TAPT1: variants seen among roughly 807,000 people sequenced by gnomAD.
TAPT1 encodes the protein transmembrane anterior posterior transformation 1.
TAPT1 carries 28 observed loss-of-function variants against 65.6 expected under a neutral mutation model. The ratio of observed to expected loss-of-function variants is 0.43; its 90% confidence interval spans 0.32 to 0.59. The LOEUF is 0.59. Ranked by LOEUF, TAPT1 falls within the 20% of genes least tolerant of loss-of-function variation. The probability of loss-of-function intolerance (pLI) is 0.09; values close to 1 mark genes in which losing one functional copy is unlikely to be tolerated. For missense variants in TAPT1, 563 were observed against 679.9 expected (o/e 0.83, Z 1.91); for synonymous variants, 278 against 245.2 (o/e 1.13, Z -1.25).
chr4:16,183,310 AT>A lies in TAPT1; in HGVS notation c.916+3224del, dbSNP rs34134145. On this transcript the variant is annotated intron_variant, in intron 7 of 13. Coordinates refer to ENST00000405303, the MANE Select transcript of TAPT1 (RefSeq NM_153365.3). ...GCTACTTTGCTTACAGCAAAAAGTAATTTTTTTTTTGGTGCTAAGTAGTAAC... is the reference window on the plus strand; with the variant it reads ...GCTACTTTGCTTACAGCAAAAAGTAATTTTTTTTTGGTGCTAAGTAGTAAC... Among the ~76,000 whole-genome samples, 8 of 150,128 alleles carry A rather than the reference AT, an allele frequency of 5.3e-5. No homozygotes were observed. The East Asian group carries it at 5.8e-4, about 11-fold the overall frequency.
chr4:16,205,551 G>T (rs1314465285), intron 2 of TAPT1, among the ~76,000 whole-genome samples: 1 of 152,158 alleles, frequency 6.6e-6, no homozygotes, highest in African/African-American at 2.4e-5. Flanking sequence ...GATGAATGAT[G>T]TGCTCTGGAA....
chr4:16,197,443 TTA>T (rs1749776379), intron 3 of TAPT1, among the ~76,000 whole-genome samples: 1 of 152,188 alleles, frequency 6.6e-6, no homozygotes, highest in Non-Finnish European at 1.5e-5. Context: ...ACAATCTTCT[TTA>T]ACTTTTAACT....
At chr4:16,182,320 C>T (rs1179509736) in intron 7 of TAPT1, among the ~76,000 whole-genome samples, 1 of 152,120 alleles carries the variant, frequency 6.6e-6, no homozygotes, top group African/African-American at 2.4e-5. Context: ...CATATTTATA[C>T]CATCTCATCT....
chr4:16,202,705 A>G lies in TAPT1; in HGVS notation c.331-125T>C, dbSNP rs1750111001. The G allele has an allele frequency of 7.3e-6, 4 of 548,516 alleles. No homozygotes were observed. The South Asian group carries it at 8.8e-5, about 12-fold the overall frequency. The allele number at this position is 548,516 out of a possible 1,614,324, so 34.0% of individuals were successfully genotyped here. A position where few individuals can be genotyped will look rare whatever the true frequency, so the allele number is the denominator to read the frequency against. On this transcript the variant is annotated intron_variant, in intron 2 of 13. Coordinates refer to ENST00000405303, the MANE Select transcript of TAPT1 (RefSeq NM_153365.3). Reference sequence around the variant, plus strand: ...TAATTTCTTAAAACTTAGCCCTGGGAATAACAAATTAACAGTTCTTCTCTT... The same window carrying G: ...TAATTTCTTAAAACTTAGCCCTGGGGATAACAAATTAACAGTTCTTCTCTT...
chr4:16,174,551 C>A, intron 10 of TAPT1, 119 bp downstream of exon 10: 1 of 861,642 alleles, frequency 1.2e-6, no homozygotes, highest in South Asian at 1.9e-5. Flanking sequence ...GAATAGAGAT[C>A]AGTAGGCAGT....
At position 16,202,568 on chromosome 4, in the gene TAPT1, C is replaced by A; in HGVS notation, c.343G>T (p.Gly115Ter). The part of the protein sequence containing the change: ...PRELEKLMVF[G>*]IFLCLDAFLY... The stretch of plus-strand genomic sequence containing the variant: ...AACGCATCCAGGCACAGAAAGATTC[C>A]AAAAACCATCAGCTGAATTTTAACA... Residue 115 changes from glycine to a stop codon, truncating the protein, a stop_gained, in exon 3 of 14, where the codon GGA becomes TGA. Transcript: ENST00000405303. LOFTEE classifies it high-confidence loss of function. The A allele has an allele frequency of 2.7e-6, 4 of 1,508,788 alleles. No individual in the cohort carries two copies. Among genetic ancestry groups the A allele is most frequent in the Non-Finnish European group, 3.6e-6 (4 of 1,123,908 alleles). 93.5% of individuals were successfully genotyped at this position (1,508,788 alleles called of 1,614,324 possible). A position where few individuals can be genotyped will look rare whatever the true frequency, so the allele number is the denominator to read the frequency against.
chr4:16,214,042 C>T, intron 1 of TAPT1, 144 bp from the exon 2 acceptor site: 1 of 556,988 alleles, frequency 1.8e-6, no homozygotes, highest in East Asian at 3.4e-5. Flanking sequence ...GAACTGCACA[C>T]AATGATCAGC....
chr4:16,211,555 T>C lies in TAPT1; in HGVS notation c.330+2213A>G, dbSNP rs376563252. ...TGTACATTTAGGCTACAAAGCTTCT[T>C]AAGTATTGTTCTAAGAGACTACATC... On this transcript the variant is annotated intron_variant, in intron 2 of 13. Transcript: ENST00000405303. Among the ~76,000 whole-genome samples the C allele has an allele frequency of 3.7e-4, 56 of 152,344 alleles. No individual in the cohort carries two copies. In the East Asian group the frequency reaches 5.2e-3, roughly 14 times the overall value.
chr4:16,209,004 C>T (rs1750504742), intron 2 of TAPT1, among the ~76,000 whole-genome samples: 1 of 152,158 alleles, frequency 6.6e-6, no homozygotes, highest in South Asian at 2.1e-4. Flanking sequence ...GCTAGGACTA[C>T]AGGCGTGCAC....
intron 5 of TAPT1, among the ~76,000 whole-genome samples, chr4:16,187,155 T>C (rs548495356): frequency 7.2e-5 from 11 of 152,338 alleles, no homozygotes; most frequent in African/African-American, 2.6e-4. Context: ...GTTCTTTCTG[T>C]ATCTCTGGCA....
intron 3 of TAPT1, among the ~76,000 whole-genome samples, chr4:16,199,031 T>C (rs1749881639): frequency 6.6e-6 from 1 of 152,194 alleles, no homozygotes; most frequent in Non-Finnish European, 1.5e-5. Flanking sequence ...CTTAAGGCAC[T>C]AAGACATTAG....
intron 13 of TAPT1, 27 bp downstream of exon 13, chr4:16,166,598 TGATCCAGG>T: frequency 6.2e-7 from 1 of 1,602,156 alleles, no homozygotes. Context: ...TCTTTGAAAA[TGATCCAGG>T]GAAGTGAAGA....
chr4:16,191,182 G>T, intron 4 of TAPT1, 179 bp downstream of exon 4: 2 of 593,062 alleles, frequency 3.4e-6, no homozygotes, highest in Non-Finnish European at 5.5e-6. Context: ...ACCCAGCCTA[G>T]ATCTCCTAAA....
At chr4:16,222,358 T>C (rs1751300614) in intron 1 of TAPT1, among the ~76,000 whole-genome samples, 1 of 152,190 alleles carries the variant, frequency 6.6e-6, no homozygotes. Context: ...AGCAAAGCAA[T>C]AGTTTGTCAG....
chr4:16,162,869 T>G lies in TAPT1; in HGVS notation c.*439A>C, dbSNP rs1049341688. 1.9e-5 allele frequency: 7 copies of G among 372,868 alleles called. No individual in the cohort carries two copies. The highest frequency in any genetic ancestry group is 3.3e-5 in the Non-Finnish European group (6 of 179,766). 23.1% of individuals were successfully genotyped at this position (372,868 alleles called of 1,614,324 possible). On this transcript the variant is annotated 3_prime_UTR_variant, in exon 14 of 14. Transcript: ENST00000405303. ...ATGCTTTGGCAGATGAAGTAACGTT[T>G]GAAAACTGTTTGTGAAAATAGTATG...
At chr4:16,211,098 T>C (rs11724076) in intron 2 of TAPT1, among the ~76,000 whole-genome samples, 26,408 of 151,858 alleles carry the variant, frequency 0.17, 2,816 homozygotes, top group East Asian at 0.3. Flanking sequence ...AGTTGACCTT[T>C]ATCTTAAAAT....
At chr4:16,195,670 T>C (rs1749668408) in intron 3 of TAPT1, among the ~76,000 whole-genome samples, 1 of 152,254 alleles carries the variant, frequency 6.6e-6, no homozygotes, top group African/African-American at 2.4e-5. Flanking sequence ...TTCTGGTAAC[T>C]GTACAATTTT....
At chr4:16,204,153 T>C (rs1398368614) in intron 2 of TAPT1, among the ~76,000 whole-genome samples, 2 of 152,214 alleles carry the variant, frequency 1.3e-5, no homozygotes, top group African/African-American at 4.8e-5. Flanking sequence ...GGACTGCTGG[T>C]TCAGTACTGA....
At chr4:16,203,642 G>C (rs1298555635) in intron 2 of TAPT1, among the ~76,000 whole-genome samples, 1 of 152,094 alleles carries the variant, frequency 6.6e-6, no homozygotes, top group Non-Finnish European at 1.5e-5. Flanking sequence ...AGACCGAAGA[G>C]GAAGGCAGCC....
Sources: allele counts gnomAD v4.1 joint callset (sites outside exome capture counted in the v4.1 genomes callset), GRCh38; gene constraint gnomAD v4.1.1; transcripts MANE v1.5; gene names NCBI Gene and HGNC (gene_info 2026-07-23, HGNC 2026-07-21).